Variants in DCAF6 observed in about 807,000 individuals in gnomAD.
The protein encoded by DCAF6 is DDB1 and CUL4 associated factor 6, also known as DDB1- and CUL4-associated factor 6.
A neutral mutation model predicts 125.1 loss-of-function variants in DCAF6; 54 were observed. That is an observed-to-expected ratio of 0.43 (90% confidence interval 0.35 to 0.54). The LOEUF (loss-of-function observed/expected upper bound fraction) is 0.54, where lower values mean the gene tolerates loss of function less well. Among genes scored for constraint, DCAF6 ranks in the 20% least tolerant of loss-of-function variants. The probability of loss-of-function intolerance (pLI) is 0.01; values close to 1 mark genes in which losing one functional copy is unlikely to be tolerated. For synonymous variants in DCAF6, 371 were observed against 390.4 expected (o/e 0.95, Z 0.58); for missense variants, 934 against 1,161.7 (o/e 0.80, Z 2.85).
At chr1:168,027,323 TA>T (rs371128278) in intron 12 of DCAF6, among the ~76,000 whole-genome samples, 10 of 152,056 alleles carry the variant, frequency 6.6e-5, no homozygotes, top group African/African-American at 2.2e-4. Flanking sequence ...GTTTATAGAG[TA>T]AACAGATTGT....
At chr1:167,889,426 A>G in the DCAF6 span, among the ~76,000 whole-genome samples, 2 of 138,016 alleles carry the variant, frequency 1.4e-5, no homozygotes, top group African/African-American at 5.1e-5. Context: ...GATAAATCCC[A>G]CTTGATCATG....
chr1:167,902,481 A>G, the DCAF6 span, among the ~76,000 whole-genome samples: 3 of 152,214 alleles, frequency 2.0e-5, no homozygotes, highest in African/African-American at 4.8e-5. Flanking sequence ...GAAAATCACA[A>G]CCATAGTCAC....
the DCAF6 span, among the ~76,000 whole-genome samples, chr1:167,876,911 A>G: frequency 6.6e-6 from 1 of 152,144 alleles, no homozygotes; most frequent in Non-Finnish European, 1.5e-5. Context: ...AACATGCTGG[A>G]TGGAAGATGA....
chr1:168,064,118 T>A (rs909750235), intron 18 of DCAF6, among the ~76,000 whole-genome samples: 5 of 151,302 alleles, frequency 3.3e-5, no homozygotes, highest in African/African-American at 1.2e-4. Flanking sequence ...TTAGCATTCT[T>A]TGTTAGTTTT....
the DCAF6 span, chr1:167,905,160 G>A: frequency 6.2e-7 from 1 of 1,614,160 alleles, no homozygotes. Context: ...AAATGTTCAG[G>A]ATTTTATGGT....
chr1:167,930,452 A>T, the DCAF6 span, among the ~76,000 whole-genome samples: 1 of 152,206 alleles, frequency 6.6e-6, no homozygotes, highest in South Asian at 2.1e-4. Flanking sequence ...AAATAATCCA[A>T]CAAGGATAAA....
the DCAF6 span, among the ~76,000 whole-genome samples, chr1:167,889,594 G>T: frequency 3.3e-5 from 5 of 152,128 alleles, no homozygotes; most frequent in Non-Finnish European, 5.9e-5. Flanking sequence ...CTTGTAGAAT[G>T]AGTTTGGAAG....
the DCAF6 span, chr1:167,870,114 A>T: frequency 1.1e-6 from 1 of 888,164 alleles, no homozygotes; most frequent in South Asian, 1.5e-5. Flanking sequence ...ATTGTTAGTT[A>T]TCTATTTAGC....
chr1:167,933,206 T>C (rs1342644254), upstream of DCAF6, among the ~76,000 whole-genome samples: 1 of 151,752 alleles, frequency 6.6e-6, no homozygotes, highest in East Asian at 1.9e-4. Context: ...CCTCGCTCTG[T>C]TGCCAGGCTG....
At chr1:167,869,648 T>C in the DCAF6 span, among the ~76,000 whole-genome samples, 1 of 152,034 alleles carries the variant, frequency 6.6e-6, no homozygotes, top group Non-Finnish European at 1.5e-5. Flanking sequence ...CATTGTGAAA[T>C]CTCTCGTTCT....
chr1:168,024,659 C>G (rs1263423340), intron 12 of DCAF6, among the ~76,000 whole-genome samples: 1 of 151,998 alleles, frequency 6.6e-6, no homozygotes, highest in Non-Finnish European at 1.5e-5. Context: ...CAAAAATTAG[C>G]CGGATGTGGT....
At chr1:168,045,276 G>T (rs1317023705) in intron 16 of DCAF6, 49 bp downstream of exon 16, 2 of 1,487,866 alleles carry the variant, frequency 1.3e-6, no homozygotes, top group Admixed American at 2.3e-5. Flanking sequence ...TATTTCACAA[G>T]GATTTGTTTG....
upstream of DCAF6, chr1:167,936,282 A>G: frequency 4.8e-6 from 1 of 207,588 alleles, no homozygotes; most frequent in East Asian, 1.4e-4. Flanking sequence ...GGGAAAGTGA[A>G]GCTGCGCTGG....
the DCAF6 span, among the ~76,000 whole-genome samples, chr1:167,874,328 C>T: frequency 1.3e-5 from 2 of 151,926 alleles, no homozygotes; most frequent in Admixed American, 6.6e-5. Context: ...GAGACTCTGT[C>T]TCAAAATAAA....
chr1:168,036,191 CTCTGT>C (rs1265552918), intron 12 of DCAF6, among the ~76,000 whole-genome samples: 1 of 152,188 alleles, frequency 6.6e-6, no homozygotes, highest in Non-Finnish European at 1.5e-5. Context: ...ATGTTTTCTG[CTCTGT>C]TCTGATCTCT....
intron 1 of DCAF6, among the ~76,000 whole-genome samples, chr1:167,941,550 C>T (rs1015062916): frequency 6.6e-6 from 1 of 152,078 alleles, no homozygotes; most frequent in Non-Finnish European, 1.5e-5. Context: ...ATAAACCTTA[C>T]TAGATGGGAT....
chr1:167,880,566 A>G, the DCAF6 span: 1 of 1,614,160 alleles, frequency 6.2e-7, no homozygotes, highest in East Asian at 2.2e-5. Flanking sequence ...CTCGTCAGGT[A>G]CCTTTTCCCC....
intron 1 of DCAF6, among the ~76,000 whole-genome samples, chr1:167,937,547 C>T (rs866749927): frequency 1.3e-5 from 2 of 151,998 alleles, no homozygotes; most frequent in African/African-American, 4.8e-5. Context: ...TAGCTGAGCT[C>T]TCCCCACCCC....
At position 167,993,548 on chromosome 1, in the gene DCAF6, G is replaced by C. The variant is rs1255141909; in HGVS notation, c.903+108G>C. On this transcript the variant is annotated intron_variant, in intron 7 of 21. Transcript: ENST00000367840. ...GTGGATCACCTGCGGTTGGGAGTTT[G>C]CAACCAGCCTGACCAACATGGAGAA... is the stretch of plus-strand genomic sequence containing the variant. The C allele has an allele frequency of 3.7e-6, 3 of 821,706 alleles. No homozygotes were observed. The African/African-American group carries it at 5.2e-5, about 14-fold the overall frequency. 50.9% of individuals were successfully genotyped at this position (821,706 alleles called of 1,614,324 possible).
Sources: gnomAD v4.1 joint callset for allele counts (sites outside exome capture counted in the v4.1 genomes callset) on GRCh38, gnomAD v4.1.1 for gene constraint, MANE v1.5 for transcripts, NCBI Gene and HGNC (gene_info 2026-07-23, HGNC 2026-07-21) for gene names.